Variants in PEX11G observed in about 807,000 individuals in gnomAD.
PEX11G encodes peroxisomal membrane protein 11C.
PEX11G carries 20 observed loss-of-function variants against 22.5 expected under a neutral mutation model. The ratio of observed to expected loss-of-function variants is 0.89; its 90% CI spans 0.62 to 1.29. The LOEUF (loss-of-function observed/expected upper bound fraction) is 1.29, where lower values mean the gene tolerates loss of function less well. Ranked by LOEUF, PEX11G falls within the 50% of genes most tolerant of loss-of-function variation. The pLI is 0.00. For synonymous variants in PEX11G, 141 were observed against 154.5 expected, an observed-to-expected ratio of 0.91 and a Z score of 0.65; for missense variants, 347 against 331.3, an observed-to-expected ratio of 1.05 and a Z score of -0.37.
rs142752144 is a variant in PEX11G at position 7,485,843 on chromosome 19, C to T, written c.244G>A (p.Ala82Thr). The change falls in exon 2 of 5, where the codon GCA becomes ACA. Residue 82 changes from alanine (A) to threonine (T), a missense_variant. Ala to Thr is a moderately conservative substitution (Grantham distance 58). Transcript: ENST00000221480. The part of the protein sequence containing the change: ...FVYTKQYGLG[A>T]QEEDAFVRCV... The stretch of plus-strand genomic sequence containing the variant: ...AGCCCCACAAACCCTGTTACCTGTG[C>T]CCCCAGGCCATATTGCTTAGTGTAG... The T allele has an allele frequency of 1.0e-5, 16 of 1,593,714 alleles. No homozygotes were observed. Among genetic ancestry groups the T allele is most frequent in the Non-Finnish European group, 1.1e-5 (13 of 1,163,584 alleles).
At position 7,482,189 on chromosome 19, in the gene PEX11G, C is replaced by G. The variant is rs760842224; in HGVS notation, c.272G>C (p.Cys91Ser). The G allele has an allele frequency of 6.4e-7, 1 of 1,574,664 alleles. No individual in the cohort carries two copies. Among genetic ancestry groups the G allele is most frequent in the East Asian group, 2.3e-5 (1 of 42,666 alleles). ...AGCCAGGTTCCCTAGGACGGAGACA[C>G]AGCGGACAAAGGCGTCCTCCTCCTG... The part of the protein sequence containing the change: ...GAQEEDAFVR[C>S]VSVLGNLADQ... The change falls in exon 3 of 5, where the codon TGT becomes TCT. Residue 91 changes from cysteine (C) to serine (S), a missense_variant. Coordinates refer to ENST00000221480, the MANE Select transcript of PEX11G (RefSeq NM_080662.4).
intron 1 of PEX11G, among the ~76,000 whole-genome samples, chr19:7,494,167 A>G (rs2021937605): frequency 6.6e-6 from 1 of 152,124 alleles, no homozygotes; most frequent in African/African-American, 2.4e-5. Flanking sequence ...TCAGCCTCCT[A>G]AAGTGCTGGG....
At position 7,489,030 on chromosome 19, in the gene PEX11G, C is replaced by G; in HGVS notation, c.-20G>C. 6 of 1,502,130 alleles carry G rather than the reference C, an allele frequency of 4.0e-6. No homozygotes were observed. The highest frequency in any genetic ancestry group is 1.2e-5 in the South Asian group (1 of 80,164). The allele number at this position is 1,502,130 out of a possible 1,614,324, so 93.1% of individuals were successfully genotyped here. On this transcript the variant is annotated 5_prime_UTR_variant, in exon 1 of 5. Transcript: ENST00000221480. ...CGCCATGGCAACTCCGTGACGTCAC[C>G]GCGACGTCGGCGCGCCGCGCCAGGG... is the stretch of plus-strand genomic sequence containing the variant.
chr19:7,491,305 T>A (rs2021886193), upstream of PEX11G, among the ~76,000 whole-genome samples: 1 of 144,696 alleles, frequency 6.9e-6, no homozygotes, highest in African/African-American at 2.6e-5. Context: ...AGTCTCACTC[T>A]GTCACCCAGA....
chr19:7,479,253 G>T (rs528919604), intron 3 of PEX11G, among the ~76,000 whole-genome samples: 51 of 152,314 alleles, frequency 3.3e-4, no homozygotes, highest in African/African-American at 9.4e-4. Flanking sequence ...GGAGGCCAAG[G>T]CCGGTGGATC....
At chr19:7,486,126 G>T in intron 1 of PEX11G, 100 bp from the exon 2 acceptor site, 1 of 1,035,776 alleles carries the variant, frequency 9.7e-7, no homozygotes. Context: ...TTGAGAGTGT[G>T]GAAGATTCTC....
intron 1 of PEX11G, among the ~76,000 whole-genome samples, chr19:7,487,861 T>C: frequency 6.6e-6 from 1 of 152,212 alleles, no homozygotes; most frequent in Admixed American, 6.5e-5. Context: ...GGGAGATTTG[T>C]TAACCCACCC....
In PEX11G at chr19:7,477,383, G is replaced by A. The variant is rs779098293; in HGVS notation, c.545C>T (p.Ala182Val). The A allele has an allele frequency of 3.2e-6, 5 of 1,547,650 alleles. No homozygotes were observed. In the South Asian group the frequency reaches 4.8e-5, roughly 15 times the overall value. ...RAMEAQMQSE[A>V]LSLLSNLADL... ...GGCCAGGTTGCTGAGAAGTGACAGCGCCTCCGACTGCATCTGCGCCTCCAT... is the reference window on the plus strand; with the variant it reads ...GGCCAGGTTGCTGAGAAGTGACAGCACCTCCGACTGCATCTGCGCCTCCAT... Residue 182 changes from alanine (A) to valine (V), a missense_variant, in exon 5 of 5, where the codon GCG becomes GTG. Physicochemically the swap from Ala to Val is moderately conservative, Grantham distance 64. Transcript: ENST00000221480.
chr19:7,482,275 A>G, intron 2 of PEX11G, 64 bp from the exon 3 acceptor site: 8 of 1,458,164 alleles, frequency 5.5e-6, no homozygotes, highest in South Asian at 1.3e-5. Flanking sequence ...TTAGCACCGT[A>G]GCCATGCCAG....
intron 2 of PEX11G, among the ~76,000 whole-genome samples, chr19:7,482,947 C>T (rs1977565427): frequency 6.6e-6 from 1 of 152,220 alleles, no homozygotes; most frequent in Non-Finnish European, 1.5e-5. Context: ...TACCCTCTGC[C>T]CCAAGTTCTT....
intron 2 of PEX11G, 111 bp from the exon 3 acceptor site, chr19:7,482,322 C>T (rs1187881228): frequency 2.0e-5 from 26 of 1,283,406 alleles, no homozygotes; most frequent in Admixed American, 2.7e-5. Context: ...AGTCCCTGGG[C>T]CGTGTCCAGG....
upstream of PEX11G, chr19:7,489,337 AAACCACC>A (rs2021822449): frequency 4.4e-6 from 5 of 1,130,304 alleles, no homozygotes; most frequent in South Asian, 1.3e-4. Context: ...ATTCCAAGCA[AAACCACC>A]AACCTGTTCG....
At chr19:7,492,204 TG>T (rs1288654674), upstream of PEX11G, among the ~76,000 whole-genome samples, 1 of 152,228 alleles carries the variant, frequency 6.6e-6, no homozygotes, top group African/African-American at 2.4e-5. Context: ...GTGGGGTTGC[TG>T]GGTCATTTTG....
chr19:7,480,081 T>A (rs530864631), intron 3 of PEX11G, among the ~76,000 whole-genome samples: 2 of 152,018 alleles, frequency 1.3e-5, no homozygotes, highest in East Asian at 1.9e-4. Context: ...CTGGGCAACA[T>A]GGCAAAACCG....
At chr19:7,478,409 G>T in intron 3 of PEX11G, 33 bp from the exon 4 acceptor site, 1 of 1,591,274 alleles carries the variant, frequency 6.3e-7, no homozygotes, top group African/African-American at 1.3e-5. Flanking sequence ...AGGATGCCCC[G>T]GCGGGGAGCA....
chr19:7,485,071 C>T (rs1361823183), intron 2 of PEX11G, among the ~76,000 whole-genome samples: 1 of 152,188 alleles, frequency 6.6e-6, no homozygotes, highest in Admixed American at 6.5e-5. Context: ...GCGGGAGGAC[C>T]ACCTGAGCCC....
At chr19:7,494,849 C>A (rs1203987558) in intron 1 of PEX11G, among the ~76,000 whole-genome samples, 2 of 152,222 alleles carry the variant, frequency 1.3e-5, no homozygotes, top group Non-Finnish European at 2.9e-5. Flanking sequence ...CATGTCTGAA[C>A]ACAGGCAAAA....
intron 2 of PEX11G, among the ~76,000 whole-genome samples, chr19:7,482,954 T>G (rs1977565981): frequency 6.6e-6 from 1 of 152,114 alleles, no homozygotes; most frequent in Non-Finnish European, 1.5e-5. Flanking sequence ...TGCCCCAAGT[T>G]CTTAATCACA....
intron 4 of PEX11G, 43 bp from the exon 5 acceptor site, chr19:7,477,479 G>C: frequency 7.4e-7 from 1 of 1,359,082 alleles, no homozygotes; most frequent in Non-Finnish European, 9.5e-7. Context: ...GCTCACACCT[G>C]CCTGCCCTTC....
Sources: gnomAD v4.1 joint callset for allele counts (sites outside exome capture counted in the v4.1 genomes callset) on GRCh38, gnomAD v4.1.1 for gene constraint, MANE v1.5 for transcripts, NCBI Gene and HGNC (gene_info 2026-07-23, HGNC 2026-07-21) for gene names.